The following PRKG1 variants were observed in gnomAD, a reference collection of about 807,000 sequenced individuals.
PRKG1 encodes the protein cGMP-dependent protein kinase 1.
In PRKG1, 35 loss-of-function variants were observed where a neutral mutation model predicts 88.1. The observed-to-expected ratio is 0.40, with a 90% CI of 0.30 to 0.53. The LOEUF (loss-of-function observed/expected upper bound fraction) is 0.53, where lower values mean the gene tolerates loss of function less well. Ranked by LOEUF, PRKG1 falls within the 20% of genes least tolerant of loss-of-function variation. PRKG1 has a pLI of 0.59. For synonymous variants in PRKG1, 303 were observed against 292.5 expected (o/e 1.04, Z -0.37); for missense variants, 540 against 839.8 (o/e 0.64, Z 4.41).
At chr10:51,883,442 A>G (rs1589386126) in intron 4 of PRKG1, among the ~76,000 whole-genome samples, 1 of 152,260 alleles carries the variant, frequency 6.6e-6, no homozygotes, top group Non-Finnish European at 1.5e-5. Context: ...CCTAGCTAAT[A>G]CATAACAATA....
chr10:51,219,566 C>T (rs1317240723), intron 2 of PRKG1, among the ~76,000 whole-genome samples: 4 of 151,548 alleles, frequency 2.6e-5, no homozygotes, highest in Non-Finnish European at 4.4e-5. Flanking sequence ...AAAAATTACC[C>T]GGGTGTGGTG....
chr10:52,229,207 G>T (rs1251596686), intron 9 of PRKG1, among the ~76,000 whole-genome samples: 1 of 151,912 alleles, frequency 6.6e-6, no homozygotes, highest in Non-Finnish European at 1.5e-5. Flanking sequence ...TACTCAAAGG[G>T]GTAAAGACAT....
chr10:52,044,725 A>T (rs987780045), intron 5 of PRKG1, among the ~76,000 whole-genome samples: 5 of 152,202 alleles, frequency 3.3e-5, no homozygotes, highest in East Asian at 1.9e-4. Flanking sequence ...CCATTTTTTT[A>T]AAATGCTGTT....
At chr10:51,604,701 C>T (rs977830194) in intron 3 of PRKG1, among the ~76,000 whole-genome samples, 1 of 152,162 alleles carries the variant, frequency 6.6e-6, no homozygotes, top group African/African-American at 2.4e-5. Context: ...CTCACTTCTT[C>T]GGTGCCCACT....
intron 3 of PRKG1, among the ~76,000 whole-genome samples, chr10:51,735,941 T>A (rs1837265805): frequency 1.4e-5 from 2 of 141,232 alleles, no homozygotes; most frequent in Admixed American, 7.1e-5. Context: ...TTTTTTTTTT[T>A]TTTTTTTTTT....
chr10:51,196,951 C>T (rs1837783970), intron 2 of PRKG1, among the ~76,000 whole-genome samples: 1 of 152,108 alleles, frequency 6.6e-6, no homozygotes, highest in African/African-American at 2.4e-5. Context: ...TTTCCCTTCT[C>T]TTGCAAAGTA....
At chr10:52,005,945 G>A (rs529071132) in intron 5 of PRKG1, among the ~76,000 whole-genome samples, 1 of 151,966 alleles carries the variant, frequency 6.6e-6, no homozygotes, top group Admixed American at 6.6e-5. Context: ...ACAACACCGA[G>A]AAGAAGAACT....
At chr10:51,783,653 T>C (rs1049225652) in intron 3 of PRKG1, among the ~76,000 whole-genome samples, 6 of 152,210 alleles carry the variant, frequency 3.9e-5, no homozygotes, top group African/African-American at 1.4e-4. Context: ...TTTAAGTGTG[T>C]ACGTGTTTAA....
At chr10:52,042,760 G>A (rs572293872) in intron 5 of PRKG1, among the ~76,000 whole-genome samples, 1 of 152,068 alleles carries the variant, frequency 6.6e-6, no homozygotes, top group African/African-American at 2.4e-5. Context: ...CCCAGCAGGG[G>A]AAACAATCAA....
At position 51,238,427 on chromosome 10, in the gene PRKG1, A is replaced by G. The variant is rs191799100; in HGVS notation, c.478+85097A>G. Among the ~76,000 whole-genome samples, 403 of 152,244 alleles carry G rather than the reference A, an allele frequency of 2.6e-3. 2 individuals carry two copies. The highest frequency in any genetic ancestry group is 9.4e-3 in the African/African-American group (389 of 41,542). On this transcript the variant is annotated intron_variant, in intron 2 of 17. Coordinates refer to ENST00000373980, the MANE Select transcript of PRKG1 (RefSeq NM_006258.4). ...AAAACTCCGCCTCTACTAAAAGTAC[A>G]AAACAATTAGCTGGGCGTGGTGGCG... is the stretch of plus-strand genomic sequence containing the variant.
intron 4 of PRKG1, among the ~76,000 whole-genome samples, chr10:51,859,050 T>C (rs1291039297): frequency 1.3e-5 from 2 of 152,140 alleles, no homozygotes; most frequent in Non-Finnish European, 2.9e-5. Context: ...CCTGCTTATT[T>C]GAGAAAGTGA....
At chr10:51,528,024 C>G (rs1037825662) in intron 3 of PRKG1, among the ~76,000 whole-genome samples, 5 of 152,120 alleles carry the variant, frequency 3.3e-5, no homozygotes, top group Admixed American at 2.0e-4. Context: ...AAACCCACAG[C>G]GTGGTGGTTT....
chr10:51,420,429 A>C (rs969426721), intron 2 of PRKG1, among the ~76,000 whole-genome samples: 1 of 152,092 alleles, frequency 6.6e-6, no homozygotes, highest in East Asian at 1.9e-4. Flanking sequence ...GCCCAGGATG[A>C]CTGTATCTTA....
At chr10:51,184,659 A>G (rs993718111) in intron 2 of PRKG1, among the ~76,000 whole-genome samples, 1 of 152,190 alleles carries the variant, frequency 6.6e-6, no homozygotes, top group African/African-American at 2.4e-5. Flanking sequence ...ATCCAAAAAT[A>G]TGATTTTATC....
At chr10:51,461,584 C>T (rs1029306818) in intron 2 of PRKG1, among the ~76,000 whole-genome samples, 17 of 152,134 alleles carry the variant, frequency 1.1e-4, no homozygotes, top group African/African-American at 3.4e-4. Flanking sequence ...AGAGTTAACA[C>T]ATCATCTAGG....
chr10:51,274,810 T>C (rs1840072149), intron 2 of PRKG1, among the ~76,000 whole-genome samples: 1 of 152,262 alleles, frequency 6.6e-6, no homozygotes, highest in Non-Finnish European at 1.5e-5. Flanking sequence ...AGAGTTGCAC[T>C]TTATTTCACT....
intron 5 of PRKG1, among the ~76,000 whole-genome samples, chr10:52,024,488 C>T (rs1041256829): frequency 3.3e-5 from 5 of 152,106 alleles, no homozygotes; most frequent in Admixed American, 2.6e-4. Context: ...CATTCCCCCA[C>T]CCCACGACAG....
rs755553234 is a variant in PRKG1 at position 52,271,484 on chromosome 10, A to G, written c.1308A>G (p.Ile436Met). 1 of 1,612,336 alleles carries G rather than the reference A, an allele frequency of 6.2e-7. No homozygotes were observed. ...TGCAGGGGGCTCATTCCGATTTCAT[A>G]GTGAGGTAAAGGCTCCATGCCAGGG... ...QIMQGAHSDF[I>M]VRLYRTFKDS... is the part of the protein sequence containing the mutation. The change falls in exon 11 of 18, where the codon ATA becomes ATG. Residue 436 changes from isoleucine (I) to methionine (M), a missense_variant. Physicochemically the swap from Ile to Met is conservative, Grantham distance 10. Around this residue, in one of 5 missense-constraint regions of PRKG1, gnomAD observed 400 missense variants for 562.7 expected, o/e 0.71. Coordinates refer to ENST00000373980, the MANE Select transcript of PRKG1 (RefSeq NM_006258.4).
At chr10:51,907,614 C>CA in intron 5 of PRKG1, 44 bp downstream of exon 5, 4 of 1,535,686 alleles carry the variant, frequency 2.6e-6, no homozygotes, top group Non-Finnish European at 2.7e-6. Context: ...GGGATCCAGC[C>CA]TGCTTGGCTG....
Sources: allele counts gnomAD v4.1 joint callset (sites outside exome capture counted in the v4.1 genomes callset), GRCh38; gene constraint gnomAD v4.1.1; regional missense constraint gnomAD v4.1.1; transcripts MANE v1.5; gene names NCBI Gene and HGNC (gene_info 2026-07-23, HGNC 2026-07-21).